Variants in KAZN observed in about 807,000 individuals in gnomAD.
KAZN encodes kazrin.
In KAZN, 40 loss-of-function variants were observed where a neutral mutation model predicts 87.4. The observed-to-expected ratio is 0.46, with a 90% CI of 0.36 to 0.60. The LOEUF is 0.60. Ranked by LOEUF, KAZN falls within the 20% of genes least tolerant of loss-of-function variation. KAZN has a pLI of 0.00. For synonymous variants in KAZN, 466 were observed against 458.3 expected (o/e 1.02, Z -0.22); for missense variants, 898 against 1,073.9 (o/e 0.84, Z 2.29).
chr1:15,018,307 G>C (rs1670328244), intron 2 of KAZN, among the ~76,000 whole-genome samples: 1 of 152,026 alleles, frequency 6.6e-6, no homozygotes, highest in Non-Finnish European at 1.5e-5. Flanking sequence ...ATATTTTATA[G>C]AGGTCTTAAT....
At chr1:14,018,849 G>T (rs1640691021) in intron 1 of KAZN, among the ~76,000 whole-genome samples, 2 of 152,132 alleles carry the variant, frequency 1.3e-5, no homozygotes, top group South Asian at 4.1e-4. Flanking sequence ...GACACCATTA[G>T]CTTCCCTGGC....
chr1:14,939,148 C>A (rs1020891843), intron 1 of KAZN, among the ~76,000 whole-genome samples: 8 of 151,332 alleles, frequency 5.3e-5, no homozygotes, highest in African/African-American at 1.9e-4. Context: ...AATTTTTATA[C>A]TTTTAGTAGG....
chr1:14,030,936 T>C (rs1014995512), intron 1 of KAZN, among the ~76,000 whole-genome samples: 6 of 152,144 alleles, frequency 3.9e-5, no homozygotes, highest in Admixed American at 3.3e-4. Flanking sequence ...TGCTGCACCA[T>C]AGGCATTTAA....
In KAZN at chr1:15,094,523, C is replaced by T; in HGVS notation, c.1428+138C>T. 1.2e-6 allele frequency: 1 copy of T among 800,440 alleles called. No individual in the cohort carries two copies. The highest frequency in any genetic ancestry group is 2.0e-6 in the Non-Finnish European group (1 of 504,534). The allele number at this position is 800,440 out of a possible 1,614,324, so 49.6% of individuals were successfully genotyped here. ...CTAGGAGCTAGCCAATGCAATCAGC[C>T]TCTGATGTACCTGCTCATTGTGCCT... On this transcript the variant is annotated intron_variant, in intron 9 of 14. Transcript: ENST00000376030. The surrounding 1 kb of genome is among the most constrained non-coding windows in gnomAD (Gnocchi z 4.5).
At chr1:15,102,637 C>T (rs967941241) in intron 11 of KAZN, among the ~76,000 whole-genome samples, 4 of 152,180 alleles carry the variant, frequency 2.6e-5, no homozygotes, top group African/African-American at 7.2e-5. Flanking sequence ...CTTTTGTCCC[C>T]CTTCTCAACC....
chr1:14,945,800 T>C, intron 1 of KAZN: 1 of 877,034 alleles, frequency 1.1e-6, no homozygotes, highest in Non-Finnish European at 1.4e-6. Flanking sequence ...CTCCACGGCC[T>C]CGAGAGCCTC....
intron 1 of KAZN, among the ~76,000 whole-genome samples, chr1:14,623,965 T>A (rs1247567202): frequency 1.3e-5 from 2 of 152,240 alleles, no homozygotes; most frequent in African/African-American, 4.8e-5. Context: ...ATATGGTATA[T>A]CTTGGTAAAT....
intron 2 of KAZN, among the ~76,000 whole-genome samples, chr1:14,310,005 A>G (rs1203450244): frequency 6.6e-6 from 1 of 152,140 alleles, no homozygotes; most frequent in Non-Finnish European, 1.5e-5. Context: ...GCAGGAAGAG[A>G]TAATAATATT....
chr1:14,907,202 C>T (rs1656689017), intron 1 of KAZN, among the ~76,000 whole-genome samples: 1 of 151,872 alleles, frequency 6.6e-6, no homozygotes, highest in East Asian at 1.9e-4. Flanking sequence ...TCGAGACCAG[C>T]CTGTGCAACA....
At chr1:14,834,406 G>A (rs1249486659) in intron 1 of KAZN, among the ~76,000 whole-genome samples, 1 of 142,828 alleles carries the variant, frequency 7.0e-6, no homozygotes, top group Non-Finnish European at 1.5e-5. Flanking sequence ...CTGTCACCCA[G>A]GCTGGAGTGC....
intron 2 of KAZN, among the ~76,000 whole-genome samples, chr1:15,032,906 G>A (rs923898947): frequency 4.6e-5 from 7 of 151,752 alleles, no homozygotes; most frequent in South Asian, 2.1e-4. Context: ...CCGAAATCGC[G>A]GCACTGTACT....
At chr1:14,715,469 C>T (rs1309267238) in intron 1 of KAZN, among the ~76,000 whole-genome samples, 21 of 152,216 alleles carry the variant, frequency 1.4e-4, no homozygotes. Flanking sequence ...CCATTCGCAG[C>T]AGAGCTGTTG....
chr1:14,258,199 T>C (rs1650708209), intron 2 of KAZN, among the ~76,000 whole-genome samples: 1 of 111,036 alleles, frequency 9.0e-6, no homozygotes, highest in Non-Finnish European at 1.7e-5. Flanking sequence ...TTCAAGATTC[T>C]TTCTTTCTTT....
At chr1:14,684,295 G>T (rs1640837505) in intron 1 of KAZN, among the ~76,000 whole-genome samples, 1 of 152,164 alleles carries the variant, frequency 6.6e-6, no homozygotes, top group Admixed American at 6.5e-5. Context: ...TTGGTATTAG[G>T]GTTGCACAGA....
chr1:14,927,529 C>T (rs907048222), intron 1 of KAZN, among the ~76,000 whole-genome samples: 18 of 152,074 alleles, frequency 1.2e-4, no homozygotes, highest in Non-Finnish European at 1.8e-4. Context: ...CAGAGGAGCA[C>T]GTTCTAGAAT....
intron 2 of KAZN, among the ~76,000 whole-genome samples, chr1:14,465,931 A>G (rs949976663): frequency 6.6e-6 from 1 of 152,118 alleles, no homozygotes; most frequent in South Asian, 2.1e-4. Context: ...CACCTTTTCT[A>G]TATTTAGGTA....
At chr1:14,972,443 C>T (rs532746880) in intron 2 of KAZN, among the ~76,000 whole-genome samples, 1 of 152,140 alleles carries the variant, frequency 6.6e-6, no homozygotes, top group South Asian at 2.1e-4. Context: ...AAGTCTGACA[C>T]AGGCCTTGAC....
chr1:14,199,281 G>A (rs1008330510), intron 2 of KAZN, among the ~76,000 whole-genome samples: 3 of 151,962 alleles, frequency 2.0e-5, no homozygotes, highest in South Asian at 2.1e-4. Flanking sequence ...CACCCTCACC[G>A]CCCTTTTCTG....
intron 1 of KAZN, among the ~76,000 whole-genome samples, chr1:14,090,915 C>G (rs796650295): frequency 6.6e-6 from 1 of 151,904 alleles, no homozygotes; most frequent in Non-Finnish European, 1.5e-5. Context: ...TGTTCGAGAC[C>G]AGCCTGGCCA....
Sources: allele counts gnomAD v4.1 joint callset (sites outside exome capture counted in the v4.1 genomes callset), GRCh38; gene constraint gnomAD v4.1.1; non-coding constraint Gnocchi (gnomAD v3.1); transcripts MANE v1.5; gene names NCBI Gene and HGNC (gene_info 2026-07-23, HGNC 2026-07-21).